The following HGD variants were observed in gnomAD, a reference collection of about 807,000 sequenced individuals.
The protein encoded by HGD is homogentisate oxidase.
A neutral mutation model predicts 60.8 loss-of-function variants in HGD; 61 were observed. That is an observed-to-expected ratio of 1.00 (90% CI 0.82 to 1.24). HGD has a LOEUF of 1.24. Among genes scored for constraint, HGD ranks in the 50% most tolerant of loss-of-function variants. HGD has a pLI of 0.00. For missense variants in HGD, 542 were observed against 547.1 expected, an observed-to-expected ratio of 0.99 and a Z score of 0.09; for synonymous variants, 212 against 187.7, an observed-to-expected ratio of 1.13 and a Z score of -1.06.
At chr3:120,678,809 C>T (rs1708180560) in intron 1 of HGD, among the ~76,000 whole-genome samples, 1 of 152,172 alleles carries the variant, frequency 6.6e-6, no homozygotes, top group Non-Finnish European at 1.5e-5. Context: ...CCCCTCACGG[C>T]CAAAGGCATC....
In HGD at chr3:120,628,293, C is replaced by A; in HGVS notation, c.*87G>T. On this transcript the variant is annotated 3_prime_UTR_variant, in exon 14 of 14. Transcript: ENST00000283871. ...AAAAGTGAATTTTCATTTTAACCAACCCCCTCCTCCAATACTACCAGAAAG... is the reference window on the plus strand; with the variant it reads ...AAAAGTGAATTTTCATTTTAACCAAACCCCTCCTCCAATACTACCAGAAAG... The A allele has an allele frequency of 2.1e-6, 3 of 1,427,708 alleles. No homozygotes were observed. Among genetic ancestry groups the A allele is most frequent in the South Asian group, 1.2e-5 (1 of 86,244 alleles). 88.4% of individuals were successfully genotyped at this position (1,427,708 alleles called of 1,614,324 possible). A position where few individuals can be genotyped will look rare whatever the true frequency, so the allele number is the denominator to read the frequency against.
chr3:120,646,834 C>T (rs1325430440), intron 8 of HGD, 139 bp downstream of exon 8: 1 of 763,920 alleles, frequency 1.3e-6, no homozygotes, highest in Non-Finnish European at 2.4e-6. Context: ...GCACATGGAA[C>T]CTTCTGCATA....
intron 4 of HGD, among the ~76,000 whole-genome samples, chr3:120,667,326 CAAAAA>C (rs71133514): frequency 5.0e-5 from 3 of 60,046 alleles, no homozygotes; most frequent in Non-Finnish European, 8.7e-5. Flanking sequence ...ACTCTTGTCT[CAAAAA>C]AAAAAAAAAA....
At chr3:120,638,731 A>G in intron 11 of HGD, 150 bp from the exon 12 acceptor site, 1 of 892,558 alleles carries the variant, frequency 1.1e-6, no homozygotes, top group Non-Finnish European at 1.7e-6. Flanking sequence ...ATAGAGGGAT[A>G]CATATGCAGT....
rs780063156 is a variant in HGD, at chr3:120,633,173, G to A, written c.1162C>T (p.Pro388Ser). The A allele has an allele frequency of 1.3e-5, 21 of 1,613,918 alleles. No homozygotes were observed. The highest frequency in any genetic ancestry group is 1.6e-5 in the Non-Finnish European group (19 of 1,180,010). Reference sequence around the variant, plus strand: ...ATGGTGCCATCGGCAATCCTCTCAGGTGCCAGCTTGACCTTGCTGGCCTTC... The same window carrying A: ...ATGGTGCCATCGGCAATCCTCTCAGATGCCAGCTTGACCTTGCTGGCCTTC... Reference protein sequence around the residue: ...FEKASKVKLAPERIADGTMAF... With the variant: ...FEKASKVKLASERIADGTMAF... The change falls in exon 13 of 14, where the codon CCT (proline) becomes TCT (serine). Residue 388 changes from proline to serine, a missense_variant. Pro to Ser is a moderately conservative substitution (Grantham distance 74). This residue lies in a region of HGD where 537 missense variants were observed against 529.1 expected (regional missense o/e 1.01). Coordinates refer to ENST00000283871, the MANE Select transcript of HGD (RefSeq NM_000187.4).
intron 4 of HGD, among the ~76,000 whole-genome samples, chr3:120,662,436 T>C (rs757497171): frequency 1.3e-5 from 2 of 152,230 alleles, no homozygotes; most frequent in Non-Finnish European, 2.9e-5. Context: ...TTTCATAAAG[T>C]GCAGTCCAGC....
chr3:120,636,472 C>A (rs1357868776), intron 12 of HGD, among the ~76,000 whole-genome samples: 1 of 152,082 alleles, frequency 6.6e-6, no homozygotes, highest in African/African-American at 2.4e-5. Context: ...CACAGAGTAA[C>A]CTCAATACAA....
At chr3:120,643,463 G>A (rs1022046124) in intron 10 of HGD, among the ~76,000 whole-genome samples, 4 of 152,196 alleles carry the variant, frequency 2.6e-5, no homozygotes, top group Admixed American at 1.3e-4. Context: ...GAGGATTTCT[G>A]ATGCAAATAG....
chr3:120,630,438 T>A (rs1940548540), intron 13 of HGD, among the ~76,000 whole-genome samples: 2 of 151,830 alleles, frequency 1.3e-5, no homozygotes. Flanking sequence ...CATAGACCAA[T>A]GGAACAGAAT....
intron 4 of HGD, among the ~76,000 whole-genome samples, chr3:120,664,584 T>C (rs1368583611): frequency 6.6e-6 from 1 of 152,020 alleles, no homozygotes; most frequent in Non-Finnish European, 1.5e-5. Context: ...CTTGCCACCA[T>C]GCTCAGCTAA....
At chr3:120,647,936 T>C (rs1371896562) in intron 6 of HGD, 25 bp from the exon 7 acceptor site, 1 of 1,582,684 alleles carries the variant, frequency 6.3e-7, no homozygotes, top group South Asian at 1.1e-5. Flanking sequence ...GTAATTCTTG[T>C]GATTTTCAGT....
At chr3:120,658,363 C>A (rs1376733141) in intron 4 of HGD, among the ~76,000 whole-genome samples, 1 of 152,196 alleles carries the variant, frequency 6.6e-6, no homozygotes, top group African/African-American at 2.4e-5. Context: ...ATGTCTGAAA[C>A]ACAGCAGGGA....
chr3:120,629,240 G>A (rs933797660), intron 13 of HGD, among the ~76,000 whole-genome samples: 8 of 152,134 alleles, frequency 5.3e-5, no homozygotes, highest in Non-Finnish European at 1.2e-4. Context: ...TTCATCAATT[G>A]CTGACTTTTC....
intron 2 of HGD, 90 bp downstream of exon 2, chr3:120,675,702 G>A (rs1478637088): frequency 1.1e-6 from 1 of 939,744 alleles, no homozygotes; most frequent in African/African-American, 1.6e-5. Flanking sequence ...TAGATTGGAA[G>A]AGCCACGGTG....
At chr3:120,673,657 G>C (rs4676818) in intron 3 of HGD, among the ~76,000 whole-genome samples, 36,160 of 152,052 alleles carry the variant, frequency 0.24, 4,844 homozygotes, top group African/African-American at 0.36. Context: ...CATAGCACTT[G>C]CCACATATCA....
intron 4 of HGD, among the ~76,000 whole-genome samples, chr3:120,660,104 C>T (rs1941618276): frequency 6.6e-6 from 1 of 152,086 alleles, no homozygotes; most frequent in South Asian, 2.1e-4. Context: ...ATCTGAGATA[C>T]CTTGCTCCCC....
At chr3:120,673,280 C>A (rs201858646) in intron 3 of HGD, among the ~76,000 whole-genome samples, 2 of 152,204 alleles carry the variant, frequency 1.3e-5, no homozygotes, top group East Asian at 3.8e-4. Flanking sequence ...ACAGTGCCAG[C>A]TTCTTAATGA....
intron 4 of HGD, among the ~76,000 whole-genome samples, chr3:120,654,841 G>C (rs1941446514): frequency 1.3e-5 from 2 of 152,142 alleles, no homozygotes; most frequent in Non-Finnish European, 2.9e-5. Context: ...TGGAGGCCAA[G>C]GTGGGTGGAT....
intron 1 of HGD, among the ~76,000 whole-genome samples, chr3:120,679,185 C>T (rs756035104): frequency 6.6e-6 from 1 of 152,186 alleles, no homozygotes; most frequent in African/African-American, 2.4e-5. Flanking sequence ...TAATTCTCAC[C>T]TGGTCCCCAG....
Sources: allele counts gnomAD v4.1 joint callset (sites outside exome capture counted in the v4.1 genomes callset), GRCh38; gene constraint gnomAD v4.1.1; regional missense constraint gnomAD v4.1.1; transcripts MANE v1.5; gene names NCBI Gene and HGNC (gene_info 2026-07-23, HGNC 2026-07-21).